The following MIPEP variants were observed in gnomAD, a reference collection of about 807,000 sequenced individuals.
MIPEP encodes the protein mitochondrial intermediate peptidase.
Under a neutral mutation model 90.3 loss-of-function variants are expected in MIPEP, and 79 were observed. The ratio of observed to expected loss-of-function variants is 0.87; its 90% CI spans 0.73 to 1.05. The LOEUF (loss-of-function observed/expected upper bound fraction) is 1.05, where lower values mean the gene tolerates loss of function less well. Ranked by LOEUF, MIPEP falls within the 50% of genes least tolerant of loss-of-function variation. The probability of loss-of-function intolerance (pLI) is 0.00; values close to 1 mark genes in which losing one functional copy is unlikely to be tolerated. For missense variants in MIPEP, 940 were observed against 905.6 expected, an observed-to-expected ratio of 1.04 and a Z score of -0.49; for synonymous variants, 334 against 315.8, an observed-to-expected ratio of 1.06 and a Z score of -0.61.
rs1953153749 is a variant in MIPEP, at chr13:23,809,935, CA to C, written c.1654-12del. The C allele has an allele frequency of 1.3e-6, 2 of 1,595,140 alleles. No homozygotes were observed. The highest frequency in any genetic ancestry group is 1.7e-6 in the Non-Finnish European group (2 of 1,163,460). On this transcript the variant is annotated splice_polypyrimidine_tract_variant and intron_variant, in intron 14 of 18. Coordinates refer to ENST00000382172, the MANE Select transcript of MIPEP (RefSeq NM_005932.4). ...ATTTTTTGGCAGTGGCTTGATAAAA[CA>C]AAAGAATATATATGTGAGTAAACTG...
intron 13 of MIPEP, 66 bp from the exon 14 acceptor site, chr13:23,836,415 C>T (rs2075139617): frequency 2.4e-6 from 2 of 845,832 alleles, no homozygotes; most frequent in South Asian, 2.5e-5. Context: ...TTTTTGTGTG[C>T]CCTTTAAAAC....
chr13:23,771,972 T>C (rs937282047), intron 16 of MIPEP, among the ~76,000 whole-genome samples: 1 of 152,162 alleles, frequency 6.6e-6, no homozygotes, highest in African/African-American at 2.4e-5. Flanking sequence ...TTACGAAGGA[T>C]TATGCTCCTG....
At chr13:23,886,564 A>C in intron 1 of MIPEP, 58 bp from the exon 2 acceptor site, 1 of 1,363,634 alleles carries the variant, frequency 7.3e-7, no homozygotes, top group Non-Finnish European at 9.8e-7. Context: ...TGCTTTTTTT[A>C]TATTTACTAA....
chr13:23,854,891 CA>C (rs1016715043), intron 10 of MIPEP, among the ~76,000 whole-genome samples: 7 of 82,376 alleles, frequency 8.5e-5, no homozygotes, highest in Admixed American at 3.8e-4. Flanking sequence ...GATTCTGTCT[CA>C]AAAAAAAAGA....
intron 16 of MIPEP, among the ~76,000 whole-genome samples, chr13:23,794,242 T>G (rs1471793297): frequency 3.3e-5 from 5 of 152,138 alleles, no homozygotes; most frequent in African/African-American, 1.2e-4. Flanking sequence ...CCAGGCTGCC[T>G]CCAGAGAAAG....
chr13:23,805,844 TAA>T (rs1953100717), intron 16 of MIPEP, 104 bp downstream of exon 16: 2 of 1,257,072 alleles, frequency 1.6e-6, no homozygotes, highest in African/African-American at 3.0e-5. Flanking sequence ...AGCCTCAACA[TAA>T]ATGTAGGGAT....
intron 17 of MIPEP, 42 bp downstream of exon 17, chr13:23,760,054 C>T: frequency 6.2e-7 from 1 of 1,612,904 alleles, no homozygotes; most frequent in South Asian, 1.1e-5. Flanking sequence ...TGGGGAATTA[C>T]TGTGGTCCAA....
At chr13:23,791,355 TC>T (rs1201325109) in intron 16 of MIPEP, among the ~76,000 whole-genome samples, 1 of 152,050 alleles carries the variant, frequency 6.6e-6, no homozygotes, top group Non-Finnish European at 1.5e-5. Context: ...AACTCACATC[TC>T]CACTCTGCCA....
chr13:23,816,969 C>G lies in MIPEP; in HGVS notation c.1654-7045G>C, dbSNP rs555795479. On this transcript the variant is annotated intron_variant, in intron 14 of 18. Transcript: ENST00000382172. ...TTTGTACGGCAGTCAACCTTTCCAC[C>G]CATGATCTGCCACAGGTGAGCCATC... 1.5e-3 allele frequency among the ~76,000 whole-genome samples: 225 copies of G among 152,292 alleles called. 2 individuals carry two copies. Among genetic ancestry groups the G allele is most frequent in the Middle Eastern group, 6.8e-3 (2 of 294 alleles).
At chr13:23,739,397 C>T (rs1952301445) in intron 18 of MIPEP, among the ~76,000 whole-genome samples, 1 of 152,224 alleles carries the variant, frequency 6.6e-6, no homozygotes, top group South Asian at 2.1e-4. Flanking sequence ...TTACTAGGAA[C>T]ATTCTACAGG....
chr13:23,862,110 C>T (rs531306784), intron 9 of MIPEP, among the ~76,000 whole-genome samples, 192 bp downstream of exon 9: 1 of 152,252 alleles, frequency 6.6e-6, no homozygotes, highest in East Asian at 1.9e-4. Flanking sequence ...AACAAAAATG[C>T]TGTATGTACA....
intron 16 of MIPEP, among the ~76,000 whole-genome samples, chr13:23,781,219 C>T (rs980245217): frequency 1.3e-5 from 2 of 152,080 alleles, no homozygotes; most frequent in African/African-American, 4.8e-5. Context: ...GTCGGGTTAC[C>T]CACAAAAGGA....
chr13:23,877,382 T>C (rs73444281), intron 4 of MIPEP, among the ~76,000 whole-genome samples: 3,091 of 152,280 alleles, frequency 0.02, 99 homozygotes, highest in African/African-American at 0.07. Flanking sequence ...TGTTACAGCT[T>C]TGGCTGTTCT....
intron 18 of MIPEP, among the ~76,000 whole-genome samples, chr13:23,753,820 G>C (rs1952465421): frequency 1.3e-5 from 2 of 152,102 alleles, no homozygotes; most frequent in Admixed American, 1.3e-4. Context: ...TGCCTATGTA[G>C]AACTTATTAT....
In MIPEP at chr13:23,864,259, T is replaced by A. The variant is rs1246374274; in HGVS notation, c.944-70A>T. ...AAATGAACATATCTGTTAAAATTAT[T>A]ATGTGATGATCATAATCTATATCCC... On this transcript the variant is annotated intron_variant, in intron 7 of 18. Transcript: ENST00000382172. The A allele has an allele frequency of 4.7e-6, 5 of 1,072,174 alleles. No individual in the cohort carries two copies. The Admixed American group carries it at 1.3e-4, about 29-fold the overall frequency. The allele number at this position is 1,072,174 out of a possible 1,614,324, so 66.4% of individuals were successfully genotyped here.
chr13:23,800,641 C>T lies in MIPEP; in HGVS notation c.1848+5309G>A, dbSNP rs569540945. 3.9e-5 allele frequency among the ~76,000 whole-genome samples: 6 copies of T among 152,120 alleles called. No homozygotes were observed. In the South Asian group the frequency reaches 1.2e-3, roughly 32 times the overall value. On this transcript the variant is annotated intron_variant, in intron 16 of 18. Coordinates refer to ENST00000382172, the MANE Select transcript of MIPEP (RefSeq NM_005932.4). Reference sequence around the variant, plus strand: ...ATGCACACAAATATCAATAAATTGCCGACACTAGAAGGCTATTTATTGACT... The same window carrying T: ...ATGCACACAAATATCAATAAATTGCTGACACTAGAAGGCTATTTATTGACT...
At chr13:23,828,963 T>C (rs183974918) in intron 14 of MIPEP, among the ~76,000 whole-genome samples, 1 of 152,334 alleles carries the variant, frequency 6.6e-6, no homozygotes, top group African/African-American at 2.4e-5. Context: ...AAAGCTCTAG[T>C]AATACAGACA....
chr13:23,882,958 G>T (rs1370411686), intron 2 of MIPEP, among the ~76,000 whole-genome samples: 1 of 151,902 alleles, frequency 6.6e-6, no homozygotes, highest in African/African-American at 2.4e-5. Flanking sequence ...TTGTAATAGT[G>T]ATGAGGAAAA....
chr13:23,782,513 A>G (rs1479073892), intron 16 of MIPEP, among the ~76,000 whole-genome samples: 1 of 152,226 alleles, frequency 6.6e-6, no homozygotes, highest in East Asian at 1.9e-4. Flanking sequence ...GGAAAGATCT[A>G]AAAATGACAC....
Sources: gnomAD v4.1 joint callset for allele counts (sites outside exome capture counted in the v4.1 genomes callset) on GRCh38, gnomAD v4.1.1 for gene constraint, MANE v1.5 for transcripts, NCBI Gene and HGNC (gene_info 2026-07-23, HGNC 2026-07-21) for gene names.